Variants in BLMH observed in about 807,000 individuals in gnomAD.
BLMH encodes BLM hydrolase.
Under a neutral mutation model 61.6 loss-of-function variants are expected in BLMH, and 32 were observed. The observed-to-expected ratio is 0.52, with a 90% CI of 0.39 to 0.70. The LOEUF (loss-of-function observed/expected upper bound fraction) is 0.70, where lower values mean the gene tolerates loss of function less well. BLMH is among the 30% of genes least tolerant of loss of function. The probability of loss-of-function intolerance (pLI) is 0.00; values close to 1 mark genes in which losing one functional copy is unlikely to be tolerated. For synonymous variants in BLMH, 183 were observed against 193.8 expected (o/e 0.94, Z 0.46); for missense variants, 460 against 555.5 (o/e 0.83, Z 1.73).
At chr17:30,271,916 A>T (rs572628210) in intron 9 of BLMH, among the ~76,000 whole-genome samples, 2 of 152,350 alleles carry the variant, frequency 1.3e-5, no homozygotes, top group South Asian at 4.1e-4. Flanking sequence ...AGTTAGTGTG[A>T]GAGACACACT....
Position 30,248,899 on chromosome 17 carries a change from TCTGA to T in BLMH, c.*114_*117del. On this transcript the variant is annotated 3_prime_UTR_variant, in exon 12 of 12. Coordinates refer to ENST00000261714, the MANE Select transcript of BLMH (RefSeq NM_000386.4). ...AGAGGTTCCTGGTGGAGACTGGAAA[TCTGA>T]CTGTGTCCTGTGGCAACACACAGTC... 7.8e-7 allele frequency: 1 copy of T among 1,290,146 alleles called. No individual in the cohort carries two copies. Among genetic ancestry groups the T allele is most frequent in the Middle Eastern group, 2.8e-4 (1 of 3,596 alleles). The allele number at this position is 1,290,146 out of a possible 1,614,324, so 79.9% of individuals were successfully genotyped here.
rs140233429 is a variant in BLMH, at chr17:30,281,618, A to G, written c.645+3770T>C. Among the ~76,000 whole-genome samples, 312 of 152,256 alleles carry G rather than the reference A, an allele frequency of 2.0e-3. 1 individual carries two copies. The highest frequency in any genetic ancestry group is 2.7e-3 in the Admixed American group (42 of 15,282). On this transcript the variant is annotated intron_variant, in intron 6 of 11. Transcript: ENST00000261714. ...CCCAATACTTTTCCTCGTCCTCCAC[A>G]TCCAATTCATCAGCAAGTCCTGACA...
chr17:30,269,320 A>G (rs1908200983), intron 10 of BLMH, among the ~76,000 whole-genome samples: 1 of 150,898 alleles, frequency 6.6e-6, no homozygotes, highest in Non-Finnish European at 1.5e-5. Flanking sequence ...TGCTGGAATT[A>G]CAGGTGCACG....
chr17:30,285,291 T>C, intron 6 of BLMH, 97 bp downstream of exon 6: 1 of 825,068 alleles, frequency 1.2e-6, no homozygotes, highest in Non-Finnish European at 1.9e-6. Context: ...AAACATTCGT[T>C]GCCATGACTA....
At chr17:30,268,572 A>T (rs1388497367) in intron 10 of BLMH, among the ~76,000 whole-genome samples, 2 of 152,204 alleles carry the variant, frequency 1.3e-5, no homozygotes, top group East Asian at 1.9e-4. Context: ...GAAACAACCC[A>T]TGCTAATCAA....
intron 6 of BLMH, among the ~76,000 whole-genome samples, chr17:30,279,170 G>T (rs1374745656): frequency 6.6e-6 from 1 of 152,112 alleles, no homozygotes; most frequent in African/African-American, 2.4e-5. Flanking sequence ...TTCTAAATCT[G>T]GTTTAAAAAG....
At chr17:30,254,962 G>A (rs563265233) in intron 11 of BLMH, among the ~76,000 whole-genome samples, 89 of 152,242 alleles carry the variant, frequency 5.8e-4, no homozygotes, top group Non-Finnish European at 9.6e-4. Context: ...TACTGATAAT[G>A]AAATACATCT....
At chr17:30,287,199 TTA>T (rs553445671) in intron 4 of BLMH, among the ~76,000 whole-genome samples, 132 of 152,134 alleles carry the variant, frequency 8.7e-4, no homozygotes, top group Non-Finnish European at 1.5e-3. Flanking sequence ...GCTATTTGTT[TTA>T]TTTTCTGTAG....
intron 11 of BLMH, among the ~76,000 whole-genome samples, chr17:30,254,634 T>C (rs915020311): frequency 2.6e-5 from 4 of 152,212 alleles, no homozygotes; most frequent in Admixed American, 6.5e-5. Context: ...GAAAATTTTA[T>C]GCCATGGGAT....
At chr17:30,256,759 G>C (rs1907830602) in intron 11 of BLMH, among the ~76,000 whole-genome samples, 1 of 150,046 alleles carries the variant, frequency 6.7e-6, no homozygotes. Flanking sequence ...GGATAAGTGA[G>C]AAGAAAACAT....
At position 30,249,030 on chromosome 17, in the gene BLMH, G is replaced by T; in HGVS notation, c.1355C>A (p.Ala452Asp). 2 of 1,614,038 alleles carry T rather than the reference G, an allele frequency of 1.2e-6. No individual in the cohort carries two copies. Among genetic ancestry groups the T allele is most frequent in the Non-Finnish European group, 1.7e-6 (2 of 1,179,944 alleles). Residue 452 changes from alanine (A) to aspartate (D), a missense_variant, in exon 12 of 12, where the codon GCT becomes GAT. Physicochemically the swap from Ala to Asp is moderately radical, Grantham distance 126. This residue lies in a region of BLMH where 310 missense variants were observed against 371.1 expected (regional missense o/e 0.84). Coordinates refer to ENST00000261714, the MANE Select transcript of BLMH (RefSeq NM_000386.4). ...IILPAWDPMG[A>D]LAE ...TGGAGGGCAGTATCACTCAGCCAAA[G>T]CTCCCATGGGGTCCCATGCTGGCAG...
At chr17:30,270,761 T>C (rs1409341281) in intron 10 of BLMH, among the ~76,000 whole-genome samples, 5 of 152,202 alleles carry the variant, frequency 3.3e-5, no homozygotes, top group Non-Finnish European at 5.9e-5. Flanking sequence ...GGTATTACTA[T>C]ACACACTATT....
intron 6 of BLMH, among the ~76,000 whole-genome samples, chr17:30,281,466 C>T (rs1038972235): frequency 3.3e-5 from 5 of 152,102 alleles, no homozygotes; most frequent in Non-Finnish European, 7.4e-5. Flanking sequence ...CTTGCTTCTT[C>T]AATTATTACT....
chr17:30,253,810 T>A (rs958767849), intron 11 of BLMH, among the ~76,000 whole-genome samples: 1 of 152,230 alleles, frequency 6.6e-6, no homozygotes, highest in Non-Finnish European at 1.5e-5. Context: ...TAATGTCTTG[T>A]TTACATGCGA....
intron 10 of BLMH, 35 bp from the exon 11 acceptor site, chr17:30,266,989 G>A (rs1353796055): frequency 6.3e-7 from 1 of 1,594,400 alleles, no homozygotes; most frequent in Non-Finnish European, 8.6e-7. Flanking sequence ...GTAGTCTGAA[G>A]CCAGATTCTC....
intron 5 of BLMH, among the ~76,000 whole-genome samples, chr17:30,286,532 G>C (rs1241211273): frequency 6.6e-6 from 1 of 152,188 alleles, no homozygotes; most frequent in Non-Finnish European, 1.5e-5. Flanking sequence ...CTGTGTGCTT[G>C]TGGCCAATAT....
chr17:30,267,090 C>A, intron 10 of BLMH, 136 bp from the exon 11 acceptor site: 2 of 672,664 alleles, frequency 3.0e-6, no homozygotes, highest in Non-Finnish European at 5.2e-6. Flanking sequence ...ATACAGGCAG[C>A]CTGCTCTAAA....
chr17:30,261,425 T>C (rs1245673080), intron 11 of BLMH, among the ~76,000 whole-genome samples: 1 of 152,250 alleles, frequency 6.6e-6, no homozygotes, highest in Non-Finnish European at 1.5e-5. Flanking sequence ...TGTAGCTTTA[T>C]GTCCTGAGTA....
chr17:30,283,797 G>A (rs979529045), intron 6 of BLMH, among the ~76,000 whole-genome samples: 13 of 152,076 alleles, frequency 8.5e-5, no homozygotes, highest in African/African-American at 2.9e-4. Context: ...TGAGACTGCA[G>A]GCATGAGCCA....
Sources: gnomAD v4.1 joint callset for allele counts (sites outside exome capture counted in the v4.1 genomes callset) on GRCh38, gnomAD v4.1.1 for gene constraint, gnomAD v4.1.1 regional missense constraint, MANE v1.5 for transcripts, NCBI Gene and HGNC (gene_info 2026-07-23, HGNC 2026-07-21) for gene names.